Variants in SGCZ observed in about 807,000 individuals in gnomAD.
The protein encoded by SGCZ is sarcoglycan zeta, also known as zeta-sarcoglycan.
In SGCZ, 40 loss-of-function variants were observed where a neutral mutation model predicts 41.3. That is an observed-to-expected ratio of 0.97 (90% CI 0.75 to 1.26). The LOEUF (loss-of-function observed/expected upper bound fraction) is 1.26, where lower values mean the gene tolerates loss of function less well. Among genes scored for constraint, SGCZ ranks in the 50% most tolerant of loss-of-function variants. The pLI is 0.00. For missense variants in SGCZ, 552 were observed against 369.8 expected, an observed-to-expected ratio of 1.49 and a Z score of -4.04; for synonymous variants, 206 against 137.5, an observed-to-expected ratio of 1.50 and a Z score of -3.49.
intron 1 of SGCZ, among the ~76,000 whole-genome samples, chr8:14,689,457 A>T (rs1008971369): frequency 7.9e-5 from 12 of 152,184 alleles, no homozygotes; most frequent in Non-Finnish European, 1.2e-4. Context: ...TACTTGCTCC[A>T]TAAGGAACAT....
At chr8:15,193,436 G>A (rs1388636800) in intron 1 of SGCZ, among the ~76,000 whole-genome samples, 1 of 151,980 alleles carries the variant, frequency 6.6e-6, no homozygotes, top group African/African-American at 2.4e-5. Flanking sequence ...GTTAATCACT[G>A]TTTTAAGCAA....
chr8:14,521,727 A>C (rs867463613), intron 2 of SGCZ, among the ~76,000 whole-genome samples: 4 of 152,254 alleles, frequency 2.6e-5, no homozygotes, highest in Non-Finnish European at 2.9e-5. Context: ...CCAAACGGCT[A>C]TATCAATTTA....
chr8:14,356,499 A>C (rs1803296816), intron 2 of SGCZ, among the ~76,000 whole-genome samples: 1 of 152,166 alleles, frequency 6.6e-6, no homozygotes, highest in African/African-American at 2.4e-5. Context: ...AATCTAGAGG[A>C]CTAAAATGTC....
At chr8:15,152,390 C>T (rs941001979) in intron 1 of SGCZ, among the ~76,000 whole-genome samples, 1 of 152,074 alleles carries the variant, frequency 6.6e-6, no homozygotes, top group Non-Finnish European at 1.5e-5. Flanking sequence ...GAGTACAGTA[C>T]GTGGAAGAAA....
At chr8:14,563,645 A>C (rs1453465791) in intron 1 of SGCZ, among the ~76,000 whole-genome samples, 1 of 152,094 alleles carries the variant, frequency 6.6e-6, no homozygotes, top group Non-Finnish European at 1.5e-5. Flanking sequence ...TAAAACTGGC[A>C]ATAAGAACTA....
chr8:14,964,431 G>T (rs1352828127), intron 1 of SGCZ, among the ~76,000 whole-genome samples: 1 of 152,130 alleles, frequency 6.6e-6, no homozygotes, highest in African/African-American at 2.4e-5. Context: ...TAGGACTTTA[G>T]AGCTTCAAAT....
intron 1 of SGCZ, among the ~76,000 whole-genome samples, chr8:14,974,556 C>T (rs367664009): frequency 1.8e-4 from 27 of 152,120 alleles, no homozygotes; most frequent in African/African-American, 6.0e-4. Flanking sequence ...ACTTCCAAAG[C>T]CCAGACCACA....
At chr8:15,188,826 A>G (rs1800433586) in intron 1 of SGCZ, among the ~76,000 whole-genome samples, 1 of 152,138 alleles carries the variant, frequency 6.6e-6, no homozygotes, top group African/African-American at 2.4e-5. Context: ...AATAAGAAAG[A>G]AAGGAAGGGA....
chr8:14,989,502 A>C (rs1486668526), intron 1 of SGCZ, among the ~76,000 whole-genome samples: 2 of 152,140 alleles, frequency 1.3e-5, no homozygotes, highest in African/African-American at 4.8e-5. Context: ...CTAATAGTAA[A>C]AAAATAAAGA....
intron 1 of SGCZ, among the ~76,000 whole-genome samples, chr8:15,028,118 T>C (rs957038862): frequency 6.6e-6 from 1 of 152,096 alleles, no homozygotes; most frequent in African/African-American, 2.4e-5. Flanking sequence ...ATAAAGACCT[T>C]AGGACATCAC....
At chr8:14,492,243 A>G (rs1801862009) in intron 2 of SGCZ, among the ~76,000 whole-genome samples, 2 of 152,312 alleles carry the variant, frequency 1.3e-5, no homozygotes, top group South Asian at 4.1e-4. Flanking sequence ...TAACTTCAAA[A>G]TGTACTTATC....
intron 1 of SGCZ, among the ~76,000 whole-genome samples, chr8:15,141,354 G>A (rs528990406): frequency 6.6e-6 from 1 of 152,334 alleles, no homozygotes; most frequent in East Asian, 1.9e-4. Context: ...AATGAGTCAT[G>A]TTGATTTAGG....
At chr8:14,602,602 T>A (rs974355511) in intron 1 of SGCZ, among the ~76,000 whole-genome samples, 42 of 152,134 alleles carry the variant, frequency 2.8e-4, no homozygotes, top group African/African-American at 9.7e-4. Flanking sequence ...TTCACATAGG[T>A]TTTGTGTATT....
At chr8:14,974,721 C>T (rs575828369) in intron 1 of SGCZ, among the ~76,000 whole-genome samples, 3 of 152,256 alleles carry the variant, frequency 2.0e-5, no homozygotes, top group African/African-American at 4.8e-5. Context: ...TGGGAATTCT[C>T]ACAACCACCC....
chr8:14,616,282 C>A (rs1260661909), intron 1 of SGCZ, among the ~76,000 whole-genome samples: 25 of 140,138 alleles, frequency 1.8e-4, no homozygotes, highest in African/African-American at 3.2e-4. Context: ...GACTCTGTCT[C>A]AAAAAAAAAA....
At chr8:14,634,524 A>G (rs746546185) in intron 1 of SGCZ, among the ~76,000 whole-genome samples, 15 of 151,978 alleles carry the variant, frequency 9.9e-5, no homozygotes, top group Non-Finnish European at 1.9e-4. Context: ...TTCTTTTATG[A>G]TATTAGTGGA....
chr8:14,616,016 G>A (rs971918790), intron 1 of SGCZ, among the ~76,000 whole-genome samples: 5 of 152,150 alleles, frequency 3.3e-5, no homozygotes, highest in Admixed American at 2.0e-4. Flanking sequence ...GGGCGCAGTG[G>A]CTCAGGCCTG....
chr8:14,659,495 A>C lies in SGCZ; in HGVS notation c.40-104569T>G, dbSNP rs183909537. Among the ~76,000 whole-genome samples, 106 of 152,340 alleles carry C rather than the reference A, an allele frequency of 7.0e-4. 2 individuals are homozygous for C. In the East Asian group the frequency reaches 0.019, roughly 27 times the overall value. On this transcript the variant is annotated intron_variant, in intron 1 of 7. Coordinates refer to ENST00000382080, the MANE Select transcript of SGCZ (RefSeq NM_139167.4). Reference sequence around the variant, plus strand: ...GATCTGTAAAGTATTTGTTAATAATAAAACAAGGACCAGAACAATTACATA... The same window carrying C: ...GATCTGTAAAGTATTTGTTAATAATCAAACAAGGACCAGAACAATTACATA...
intron 1 of SGCZ, among the ~76,000 whole-genome samples, chr8:14,887,800 A>G (rs1038368082): frequency 6.6e-6 from 1 of 152,166 alleles, no homozygotes; most frequent in Non-Finnish European, 1.5e-5. Context: ...ATTTGTATTT[A>G]TGTGCCTGGC....
Sources: gnomAD v4.1 joint callset for allele counts (sites outside exome capture counted in the v4.1 genomes callset) on GRCh38, gnomAD v4.1.1 for gene constraint, MANE v1.5 for transcripts, NCBI Gene and HGNC (gene_info 2026-07-23, HGNC 2026-07-21) for gene names.